The following UGT3A1 variants were observed in gnomAD, a reference collection of about 807,000 sequenced individuals.
The protein encoded by UGT3A1 is UDP glycosyltransferase family 3 member A1.
In UGT3A1, 40 loss-of-function variants were observed where a neutral mutation model predicts 37.6. The observed-to-expected ratio is 1.06, with a 90% CI of 0.83 to 1.38. UGT3A1 has a LOEUF of 1.38. Ranked by LOEUF, UGT3A1 falls within the 40% of genes most tolerant of loss-of-function variation. UGT3A1 has a pLI of 0.00. For missense variants in UGT3A1, 642 were observed against 634.2 expected, an observed-to-expected ratio of 1.01 and a Z score of -0.13; for synonymous variants, 256 against 232.3, an observed-to-expected ratio of 1.10 and a Z score of -0.93.
chr5:35,975,313 G>A (rs891633455), intron 2 of UGT3A1, among the ~76,000 whole-genome samples: 7 of 152,336 alleles, frequency 4.6e-5, no homozygotes, highest in African/African-American at 9.6e-5. Context: ...AACATTGATT[G>A]CCTGATTAGC....
chr5:35,954,131 C>T lies in UGT3A1; in HGVS notation c.*71G>A, dbSNP rs1433150069. On this transcript the variant is annotated 3_prime_UTR_variant, in exon 7 of 7. Transcript: ENST00000274278. ...AGCTGAAGAGAGAACAGAGGGGTGGCGTGTGCTGGGGTGGGGAGAACCTTC... is the reference window on the plus strand; with the variant it reads ...AGCTGAAGAGAGAACAGAGGGGTGGTGTGTGCTGGGGTGGGGAGAACCTTC... 8.0e-6 allele frequency: 12 copies of T among 1,507,344 alleles called. No individual in the cohort carries two copies. The highest frequency in any genetic ancestry group is 2.7e-5 in the African/African-American group (2 of 72,822). 93.4% of individuals were successfully genotyped at this position (1,507,344 alleles called of 1,614,324 possible).
intron 2 of UGT3A1, 21 bp from the exon 3 acceptor site, chr5:35,968,154 TA>T: frequency 1.4e-6 from 2 of 1,449,656 alleles, no homozygotes; most frequent in Non-Finnish European, 9.7e-7. Context: ...ACCAATTGGT[TA>T]AAAAGGTAAA....
intron 2 of UGT3A1, among the ~76,000 whole-genome samples, chr5:35,983,612 C>G (rs141596229): frequency 9.3e-4 from 142 of 152,144 alleles, no homozygotes; most frequent in African/African-American, 3.3e-3. Context: ...ACACTATAGG[C>G]CAATATAACT....
intron 2 of UGT3A1, among the ~76,000 whole-genome samples, chr5:35,985,289 C>A (rs1740687839): frequency 6.6e-6 from 1 of 151,808 alleles, no homozygotes. Context: ...CTACCTAAAG[C>A]AAACGTACAA....
upstream of UGT3A1, among the ~76,000 whole-genome samples, chr5:35,994,333 T>TTGTGTGTG (rs35026618): frequency 0.084 from 11,592 of 138,454 alleles, 563 homozygotes; most frequent in Middle Eastern, 0.11. Flanking sequence ...TTTGTTTTGT[T>TTGTGTGTG]TGTGTGTGTG....
At position 35,954,097 on chromosome 5, in the gene UGT3A1, G is replaced by T; in HGVS notation, c.*105C>A. On this transcript the variant is annotated 3_prime_UTR_variant, in exon 7 of 7. Coordinates refer to ENST00000274278, the MANE Select transcript of UGT3A1 (RefSeq NM_152404.4). ...GAAAGAAGCAAGTTGCAGGATCAGT[G>T]GCAGGTGGAGCTGAAGAGAGAACAG... The T allele has an allele frequency of 8.2e-7, 1 of 1,226,828 alleles. No homozygotes were observed. Among genetic ancestry groups the T allele is most frequent in the Non-Finnish European group, 1.1e-6 (1 of 875,216 alleles). The allele number at this position is 1,226,828 out of a possible 1,614,324, so 76.0% of individuals were successfully genotyped here.
intron 6 of UGT3A1, chr5:35,955,336 A>C: frequency 1.8e-6 from 1 of 552,652 alleles, no homozygotes. Flanking sequence ...GGAAACACAC[A>C]AAGAAACCCC....
chr5:35,978,057 CAG>C (rs1240675988), intron 2 of UGT3A1, among the ~76,000 whole-genome samples: 3 of 152,150 alleles, frequency 2.0e-5, no homozygotes, highest in African/African-American at 7.2e-5. Flanking sequence ...CTATTTGAGA[CAG>C]AGTCTCACTT....
intron 4 of UGT3A1, chr5:35,962,926 G>A (rs1246657764): frequency 5.7e-6 from 4 of 702,846 alleles, no homozygotes; most frequent in Non-Finnish European, 1.0e-5. Flanking sequence ...TAAGCTGGGG[G>A]TGGTGAAGAG....
chr5:35,991,603 G>C, upstream of UGT3A1: 3 of 1,024,310 alleles, frequency 2.9e-6, no homozygotes, highest in Non-Finnish European at 3.5e-6. Flanking sequence ...GTTAATGAAG[G>C]CTCCATCCCC....
intron 2 of UGT3A1, among the ~76,000 whole-genome samples, chr5:35,974,467 C>T (rs940905375): frequency 1.3e-5 from 2 of 152,140 alleles, no homozygotes; most frequent in African/African-American, 4.8e-5. Flanking sequence ...CAATATTGCA[C>T]TCTACAGAGA....
At chr5:35,969,100 A>G (rs1739934128) in intron 2 of UGT3A1, among the ~76,000 whole-genome samples, 1 of 152,128 alleles carries the variant, frequency 6.6e-6, no homozygotes, top group Non-Finnish European at 1.5e-5. Flanking sequence ...TCCCACACAC[A>G]CACCATTGTA....
intron 5 of UGT3A1, among the ~76,000 whole-genome samples, chr5:35,956,453 T>C (rs1241725026): frequency 6.6e-6 from 1 of 152,230 alleles, no homozygotes; most frequent in Admixed American, 6.5e-5. Context: ...GTCTTATAAA[T>C]TAAATATACA....
chr5:35,977,884 G>C (rs1740357711), intron 2 of UGT3A1, among the ~76,000 whole-genome samples: 1 of 152,138 alleles, frequency 6.6e-6, no homozygotes, highest in Non-Finnish European at 1.5e-5. Context: ...CTAGCAATGG[G>C]AGCTGGAAGG....
intron 4 of UGT3A1, among the ~76,000 whole-genome samples, chr5:35,958,440 C>T (rs1027080336): frequency 1.3e-5 from 2 of 152,178 alleles, no homozygotes; most frequent in Non-Finnish European, 2.9e-5. Context: ...TTGATTCCAT[C>T]CAGCATAACA....
At chr5:35,984,173 T>C (rs1740639827) in intron 2 of UGT3A1, among the ~76,000 whole-genome samples, 1 of 152,104 alleles carries the variant, frequency 6.6e-6, no homozygotes, top group Non-Finnish European at 1.5e-5. Flanking sequence ...AGCAAAAAAC[T>C]ATTAGAATTC....
chr5:35,969,569 T>C (rs1739954237), intron 2 of UGT3A1, among the ~76,000 whole-genome samples: 1 of 151,886 alleles, frequency 6.6e-6, no homozygotes, highest in African/African-American at 2.4e-5. Flanking sequence ...GGGGGACGGG[T>C]GGGATGCAAG....
chr5:35,977,045 GGAGAAAGAGAA>G (rs1354109653), intron 2 of UGT3A1, among the ~76,000 whole-genome samples: 2 of 127,142 alleles, frequency 1.6e-5, no homozygotes, highest in African/African-American at 2.9e-5. Context: ...AGAGAGAAAG[GGAGAAAGAGAA>G]GAGAAAGAGA....
At chr5:35,991,705 A>G, upstream of UGT3A1, 1 of 928,342 alleles carries the variant, frequency 1.1e-6, no homozygotes, top group Non-Finnish European at 1.3e-6. Context: ...TGCCATCTCC[A>G]TGCCCCCATT....
Sources: allele counts gnomAD v4.1 joint callset (sites outside exome capture counted in the v4.1 genomes callset), GRCh38; gene constraint gnomAD v4.1.1; transcripts MANE v1.5; gene names NCBI Gene and HGNC (gene_info 2026-07-23, HGNC 2026-07-21).